The following MNAT1 variants were observed in gnomAD, a reference collection of about 807,000 sequenced individuals.
The protein encoded by MNAT1 is MNAT1 component of CDK activating kinase, also known as CDK-activating kinase assembly factor MAT1.
Under a neutral mutation model 42.0 loss-of-function variants are expected in MNAT1, and 43 were observed. The observed-to-expected ratio is 1.02, with a 90% CI of 0.80 to 1.32. MNAT1 has a LOEUF of 1.32. Among genes scored for constraint, MNAT1 ranks in the 40% most tolerant of loss-of-function variants. MNAT1 has a pLI of 0.00. For missense variants in MNAT1, 306 were observed against 350.4 expected, an observed-to-expected ratio of 0.87 and a Z score of 1.01; for synonymous variants, 118 against 120.0, an observed-to-expected ratio of 0.98 and a Z score of 0.11.
At chr14:60,892,276 C>T (rs1044515647) in intron 7 of MNAT1, among the ~76,000 whole-genome samples, 3 of 151,990 alleles carry the variant, frequency 2.0e-5, no homozygotes, top group African/African-American at 4.8e-5. Flanking sequence ...TATTGTAAAA[C>T]TCTCCCTTTG....
chr14:60,938,278 T>TGA (rs1335138465), intron 7 of MNAT1, among the ~76,000 whole-genome samples: 1 of 152,256 alleles, frequency 6.6e-6, no homozygotes, highest in African/African-American at 2.4e-5. Context: ...ATAGGAGTGG[T>TGA]GAGAGAGGGC....
chr14:60,950,671 C>T (rs1316340591), intron 7 of MNAT1, among the ~76,000 whole-genome samples: 1 of 152,154 alleles, frequency 6.6e-6, no homozygotes, highest in East Asian at 1.9e-4. Flanking sequence ...AATTTTTCTT[C>T]CACTGTGGCC....
At chr14:60,840,837 G>T (rs2033528960) in intron 6 of MNAT1, among the ~76,000 whole-genome samples, 2 of 151,994 alleles carry the variant, frequency 1.3e-5, no homozygotes, top group African/African-American at 4.8e-5. Context: ...CTAATTCTTT[G>T]TATTTTTAGT....
chr14:60,753,547 C>T (rs2030196326), intron 1 of MNAT1: 2 of 152,142 alleles, frequency 1.3e-5, no homozygotes, highest in Non-Finnish European at 2.9e-5. Context: ...GCTTTCTTCT[C>T]CTCAGGTGGA....
chr14:60,756,105 G>T (rs1289255456), intron 1 of MNAT1, among the ~76,000 whole-genome samples: 1 of 152,050 alleles, frequency 6.6e-6, no homozygotes, highest in Non-Finnish European at 1.5e-5. Context: ...TCATTATGAT[G>T]CTTAGATTAT....
intron 1 of MNAT1, among the ~76,000 whole-genome samples, chr14:60,782,479 A>G (rs2031498023): frequency 6.6e-6 from 1 of 152,012 alleles, no homozygotes; most frequent in African/African-American, 2.4e-5. Flanking sequence ...CACATTTTTC[A>G]TGGCCCAGCT....
intron 7 of MNAT1, among the ~76,000 whole-genome samples, chr14:60,908,162 T>G (rs996802205): frequency 1.3e-5 from 2 of 152,202 alleles, no homozygotes; most frequent in Admixed American, 6.5e-5. Flanking sequence ...TTGTGCCATT[T>G]TTAAAAAATT....
chr14:60,774,564 G>A lies in MNAT1; in HGVS notation c.90-21653G>A, dbSNP rs1175385007. On this transcript the variant is annotated intron_variant, in intron 1 of 7. Coordinates refer to ENST00000261245, the MANE Select transcript of MNAT1 (RefSeq NM_002431.4). ...TGTTCTGTAGAGACTACATTTGGAG[G>A]AAGAAGGTGGGTAAGTGTTGGGGAT... is the stretch of plus-strand genomic sequence containing the variant. 5.3e-5 allele frequency among the ~76,000 whole-genome samples: 8 copies of A among 152,214 alleles called. No individual in the cohort carries two copies. The East Asian group carries it at 1.5e-3, about 29-fold the overall frequency.
chr14:60,914,547 C>G (rs2035469667), intron 7 of MNAT1, among the ~76,000 whole-genome samples: 3 of 53,100 alleles, frequency 5.6e-5, no homozygotes, highest in South Asian at 1.8e-3. Context: ...TGTAGAGGCA[C>G]AGATATGGTA....
At chr14:60,863,740 G>A (rs2139437529) in intron 6 of MNAT1, among the ~76,000 whole-genome samples, 1 of 152,188 alleles carries the variant, frequency 6.6e-6, no homozygotes, top group Admixed American at 6.6e-5. Flanking sequence ...GTTCTCAGAT[G>A]AAAAATTTAT....
chr14:60,914,453 G>A (rs754106078), intron 7 of MNAT1, among the ~76,000 whole-genome samples: 8 of 152,004 alleles, frequency 5.3e-5, no homozygotes, highest in Admixed American at 1.3e-4. Flanking sequence ...GTTCCTATTC[G>A]GCCATCTTGG....
At chr14:60,784,069 C>G (rs2031556899) in intron 1 of MNAT1, among the ~76,000 whole-genome samples, 1 of 151,266 alleles carries the variant, frequency 6.6e-6, no homozygotes, top group East Asian at 2.0e-4. Flanking sequence ...TGCAGTGACA[C>G]AATCTCGGCT....
At chr14:60,948,539 C>T (rs2036324755) in intron 7 of MNAT1, among the ~76,000 whole-genome samples, 2 of 152,132 alleles carry the variant, frequency 1.3e-5, no homozygotes, top group Admixed American at 1.3e-4. Flanking sequence ...CTAGAAAACC[C>T]TCTTTGCTTC....
chr14:60,875,239 A>G (rs1008896559), intron 6 of MNAT1, among the ~76,000 whole-genome samples: 2 of 152,158 alleles, frequency 1.3e-5, no homozygotes, highest in African/African-American at 4.8e-5. Context: ...AAACTTTTAA[A>G]TTGAACAACC....
At chr14:60,795,666 G>A (rs1488181852) in intron 1 of MNAT1, among the ~76,000 whole-genome samples, 2 of 152,112 alleles carry the variant, frequency 1.3e-5, no homozygotes, top group Non-Finnish European at 2.9e-5. Flanking sequence ...ATACTGGAGC[G>A]CTCAAAGTTC....
At chr14:60,923,918 C>T (rs1019592648) in intron 7 of MNAT1, among the ~76,000 whole-genome samples, 1 of 152,048 alleles carries the variant, frequency 6.6e-6, no homozygotes, top group Non-Finnish European at 1.5e-5. Context: ...GATGACAGAG[C>T]GAGACTGTCT....
chr14:60,883,554 G>A (rs2034596413), intron 7 of MNAT1, among the ~76,000 whole-genome samples: 1 of 151,762 alleles, frequency 6.6e-6, no homozygotes. Flanking sequence ...AGATAGCTTT[G>A]GCTATTCTGG....
At chr14:60,769,946 T>A (rs1279708633) in intron 1 of MNAT1, among the ~76,000 whole-genome samples, 1 of 152,098 alleles carries the variant, frequency 6.6e-6, no homozygotes, top group Non-Finnish European at 1.5e-5. Flanking sequence ...GTTATAGGAG[T>A]GAGGCACCAT....
chr14:60,902,534 G>A (rs2035091813), intron 7 of MNAT1, among the ~76,000 whole-genome samples: 1 of 152,038 alleles, frequency 6.6e-6, no homozygotes, highest in South Asian at 2.1e-4. Flanking sequence ...TTCAAAATTT[G>A]TGTACATTTG....
Sources: allele counts gnomAD v4.1 joint callset (sites outside exome capture counted in the v4.1 genomes callset), GRCh38; gene constraint gnomAD v4.1.1; transcripts MANE v1.5; gene names NCBI Gene and HGNC (gene_info 2026-07-23, HGNC 2026-07-21).